The following EPS15 variants were observed in gnomAD, a reference collection of about 807,000 sequenced individuals.
The protein encoded by EPS15 is epidermal growth factor receptor pathway substrate 15, also known as epidermal growth factor receptor substrate 15.
EPS15 carries 72 observed loss-of-function variants against 113.8 expected under a neutral mutation model. That is an observed-to-expected ratio of 0.63 (90% CI 0.52 to 0.77). The LOEUF is 0.77. Ranked by LOEUF, EPS15 falls within the 30% of genes least tolerant of loss-of-function variation. EPS15 has a pLI of 0.00. For missense variants in EPS15, 1,048 were observed against 1,045.8 expected (o/e 1.00, Z -0.03); for synonymous variants, 344 against 363.4 (o/e 0.95, Z 0.61).
chr1:51,450,905 C>G (rs2148486882), intron 8 of EPS15, among the ~76,000 whole-genome samples: 1 of 151,728 alleles, frequency 6.6e-6, no homozygotes, highest in South Asian at 2.1e-4. Flanking sequence ...TACTATAAAG[C>G]ATTAAAAAAA....
chr1:51,458,804 G>C (rs1048465005), intron 8 of EPS15: 3 of 203,724 alleles, frequency 1.5e-5, no homozygotes, highest in African/African-American at 7.2e-5. Flanking sequence ...CAAAGATTTT[G>C]CACCAATATT....
intron 12 of EPS15, among the ~76,000 whole-genome samples, chr1:51,429,945 C>T (rs973178832): frequency 1.2e-4 from 18 of 152,122 alleles, no homozygotes; most frequent in Non-Finnish European, 1.5e-5. Flanking sequence ...GCCATCGTGC[C>T]CAGCCAAGAC....
chr1:51,365,150 G>A (rs567520775), intron 22 of EPS15, among the ~76,000 whole-genome samples: 1 of 152,166 alleles, frequency 6.6e-6, no homozygotes, highest in African/African-American at 2.4e-5. Flanking sequence ...AAATCTTAAT[G>A]TGTGTCTGAA....
At chr1:51,485,526 A>G (rs2148528579) in intron 1 of EPS15, among the ~76,000 whole-genome samples, 1 of 152,266 alleles carries the variant, frequency 6.6e-6, no homozygotes, top group African/African-American at 2.4e-5. Flanking sequence ...CCAGGAATTC[A>G]TGACCAACCT....
intron 24 of EPS15, among the ~76,000 whole-genome samples, chr1:51,357,391 A>AAAAAAAAATATAT (rs1491245303): frequency 1.5e-5 from 1 of 65,720 alleles, no homozygotes; most frequent in Non-Finnish European, 2.6e-5. Flanking sequence ...AAAAAAAAAA[A>AAAAAAAAATATAT]ATATATATAT....
intron 11 of EPS15, 47 bp from the exon 12 acceptor site, chr1:51,440,479 A>G: frequency 1.1e-6 from 1 of 891,852 alleles, no homozygotes; most frequent in South Asian, 1.8e-5. Flanking sequence ...AAATTAGGTA[A>G]TATAAGACAA....
chr1:51,448,190 A>G (rs1653226027), intron 8 of EPS15, 55 bp from the exon 9 acceptor site: 4 of 1,011,268 alleles, frequency 4.0e-6, no homozygotes, highest in Non-Finnish European at 6.0e-6. Flanking sequence ...ACATCCACCC[A>G]CTGAATTGAT....
intron 13 of EPS15, among the ~76,000 whole-genome samples, chr1:51,419,066 CCTA>C (rs943964807): frequency 1.6e-4 from 24 of 152,168 alleles, no homozygotes; most frequent in African/African-American, 5.8e-4. Context: ...AGAATGTGAG[CCTA>C]CTTTCTCCCC....
At chr1:51,372,943 C>A (rs1646695720) in intron 21 of EPS15, 5 of 609,244 alleles carry the variant, frequency 8.2e-6, no homozygotes, top group Non-Finnish European at 1.0e-5. Context: ...TCATTAGCTG[C>A]AGGAAGTCTT....
intron 1 of EPS15, among the ~76,000 whole-genome samples, chr1:51,510,120 A>G (rs2148564337): frequency 6.6e-6 from 1 of 152,304 alleles, no homozygotes; most frequent in African/African-American, 2.4e-5. Context: ...ATTATTGAAA[A>G]TAGCACATGA....
At chr1:51,484,709 C>T (rs1644088741) in intron 1 of EPS15, among the ~76,000 whole-genome samples, 2 of 152,128 alleles carry the variant, frequency 1.3e-5, no homozygotes, top group African/African-American at 4.8e-5. Context: ...CTTAAGCAAC[C>T]ATGGGCAATT....
chr1:51,472,332 ATTCTT>A (rs1164744535), intron 3 of EPS15, among the ~76,000 whole-genome samples: 4 of 152,220 alleles, frequency 2.6e-5, no homozygotes, highest in Non-Finnish European at 5.9e-5. Flanking sequence ...TCCTTAAGAT[ATTCTT>A]TTCTATGTGC....
intron 21 of EPS15, among the ~76,000 whole-genome samples, chr1:51,367,874 G>A (rs760083679): frequency 6.6e-6 from 1 of 152,248 alleles, no homozygotes; most frequent in Non-Finnish European, 1.5e-5. Context: ...GCTCACGCCT[G>A]TAATCCCGGC....
intron 22 of EPS15, among the ~76,000 whole-genome samples, chr1:51,364,840 T>A (rs1646472924): frequency 6.7e-6 from 1 of 148,924 alleles, no homozygotes; most frequent in South Asian, 2.1e-4. Flanking sequence ...CATAAAAGGA[T>A]AATTTTTTTT....
At chr1:51,497,820 T>C (rs1644350421) in intron 1 of EPS15, among the ~76,000 whole-genome samples, 1 of 151,752 alleles carries the variant, frequency 6.6e-6, no homozygotes, top group South Asian at 2.1e-4. Flanking sequence ...CTACTAAAAA[T>C]ACAAAAATTC....
At chr1:51,368,878 T>C (rs1646573987) in intron 21 of EPS15, among the ~76,000 whole-genome samples, 1 of 152,130 alleles carries the variant, frequency 6.6e-6, no homozygotes, top group Non-Finnish European at 1.5e-5. Context: ...GCTGGGATTA[T>C]AGGCCACGTG....
chr1:51,354,425 A>G lies in EPS15; in HGVS notation c.*2275T>C, dbSNP rs1359228340. 5.6e-6 allele frequency: 1 copy of G among 180,114 alleles called. No homozygotes were observed. The highest frequency in any genetic ancestry group is 6.3e-5 in the Admixed American group (1 of 15,902). 11.2% of individuals were successfully genotyped at this position (180,114 alleles called of 1,614,324 possible). A position where few individuals can be genotyped will look rare whatever the true frequency, so the allele number is the denominator to read the frequency against. On this transcript the variant is annotated 3_prime_UTR_variant, in exon 25 of 25. Transcript: ENST00000371733. Reference sequence around the variant, plus strand: ...ATTGCAAATTGGATATATGGATGGGATTCTTTATTATTACTTAAAGTTTAC... The same window carrying G: ...ATTGCAAATTGGATATATGGATGGGGTTCTTTATTATTACTTAAAGTTTAC...
At chr1:51,471,417 C>A (rs1185400540) in intron 4 of EPS15, among the ~76,000 whole-genome samples, 2 of 152,168 alleles carry the variant, frequency 1.3e-5, no homozygotes, top group African/African-American at 4.8e-5. Context: ...TTACTTATAA[C>A]CCTATGTAAC....
intron 3 of EPS15, among the ~76,000 whole-genome samples, 195 bp from the exon 4 acceptor site, chr1:51,471,932 A>G (rs1655269531): frequency 6.6e-6 from 1 of 152,206 alleles, no homozygotes; most frequent in African/African-American, 2.4e-5. Flanking sequence ...GGCCACATGC[A>G]GCCCAGGACA....
Sources: allele counts gnomAD v4.1 joint callset (sites outside exome capture counted in the v4.1 genomes callset), GRCh38; gene constraint gnomAD v4.1.1; transcripts MANE v1.5; gene names NCBI Gene and HGNC (gene_info 2026-07-23, HGNC 2026-07-21).